SNTG1: variants seen among roughly 807,000 people sequenced by gnomAD.
SNTG1 encodes the protein syntrophin gamma 1, also known as gamma-1-syntrophin.
A neutral mutation model predicts 74.7 loss-of-function variants in SNTG1; 39 were observed. The observed-to-expected ratio is 0.52, with a 90% CI of 0.40 to 0.68. The LOEUF is 0.68. Among genes scored for constraint, SNTG1 ranks in the 30% least tolerant of loss-of-function variants. The pLI, the probability that SNTG1 is intolerant of heterozygous loss-of-function variation, is 0.00. For missense variants in SNTG1, 685 were observed against 609.5 expected (o/e 1.12, Z -1.30); for synonymous variants, 254 against 217.1 (o/e 1.17, Z -1.49).
At chr8:50,132,500 C>T (rs988850633) in intron 1 of SNTG1, among the ~76,000 whole-genome samples, 66 of 152,132 alleles carry the variant, frequency 4.3e-4, no homozygotes, top group African/African-American at 1.5e-3. Context: ...ATTCTCATTC[C>T]AAAGGGAGAA....
intron 18 of SNTG1, among the ~76,000 whole-genome samples, chr8:50,760,352 C>G (rs780305786): frequency 1.2e-4 from 18 of 151,874 alleles, no homozygotes; most frequent in Non-Finnish European, 2.1e-4. Flanking sequence ...GACTGATTGC[C>G]TGGTCAGAAC....
chr8:50,470,785 G>A (rs564324819), intron 8 of SNTG1, among the ~76,000 whole-genome samples: 1 of 152,286 alleles, frequency 6.6e-6, no homozygotes, highest in African/African-American at 2.4e-5. Context: ...CAAGATTTAT[G>A]ACAAAGAGCA....
At chr8:50,717,699 A>G (rs141146952) in intron 17 of SNTG1, among the ~76,000 whole-genome samples, 2,275 of 152,278 alleles carry the variant, frequency 0.015, 28 homozygotes, top group Non-Finnish European at 0.024. Flanking sequence ...CATTTTCTTC[A>G]TCTCTAAAAT....
chr8:50,644,010 C>CCAT (rs909727687), intron 13 of SNTG1: 86 of 152,316 alleles, frequency 5.6e-4, no homozygotes, highest in African/African-American at 2.0e-3. Flanking sequence ...GTAAATGAGT[C>CCAT]CATCACAGCT....
intron 8 of SNTG1, among the ~76,000 whole-genome samples, chr8:50,492,279 T>C (rs2093863957): frequency 6.6e-6 from 1 of 152,178 alleles, no homozygotes; most frequent in African/African-American, 2.4e-5. Flanking sequence ...TTAAATGGTA[T>C]TTCTAGTTCT....
chr8:50,102,856 G>A lies in SNTG1; in HGVS notation c.-102-69705G>A, dbSNP rs989267783. On this transcript the variant is annotated intron_variant, in intron 1 of 18. Coordinates refer to ENST00000642720, the MANE Select transcript of SNTG1 (RefSeq NM_018967.5). Reference sequence around the variant, plus strand: ...GCTTGTTTTTGTCAGGTTTGTCAAAGATCAGATAGTTGTAGATATGCGGCG... The same window carrying A: ...GCTTGTTTTTGTCAGGTTTGTCAAAAATCAGATAGTTGTAGATATGCGGCG... Among the ~76,000 whole-genome samples the A allele has an allele frequency of 3.6e-4, 54 of 148,362 alleles. 1 individual carries two copies. Among genetic ancestry groups the A allele is most frequent in the African/African-American group, 1.2e-3 (49 of 40,358 alleles).
intron 13 of SNTG1, among the ~76,000 whole-genome samples, chr8:50,605,129 C>A (rs2130952437): frequency 6.6e-6 from 1 of 152,250 alleles, no homozygotes; most frequent in East Asian, 1.9e-4. Context: ...AAGACAAAGT[C>A]CTGTTTACTC....
chr8:50,600,901 G>A (rs1359885942), intron 13 of SNTG1, among the ~76,000 whole-genome samples: 1 of 151,254 alleles, frequency 6.6e-6, no homozygotes, highest in Non-Finnish European at 1.5e-5. Context: ...TGGGCACGGT[G>A]GCTCACTCCT....
intron 1 of SNTG1, among the ~76,000 whole-genome samples, chr8:50,016,989 T>C (rs962616010): frequency 1.3e-5 from 2 of 152,044 alleles, no homozygotes; most frequent in South Asian, 2.1e-4. Flanking sequence ...GAGAACTCCA[T>C]CTACCTCAAC....
intron 1 of SNTG1, among the ~76,000 whole-genome samples, chr8:50,110,972 A>G (rs1184089346): frequency 3.9e-5 from 6 of 152,218 alleles, no homozygotes; most frequent in Admixed American, 6.5e-5. Context: ...TTTCTATGAA[A>G]TTCAAACTTA....
chr8:50,275,076 C>A (rs1321647695), intron 2 of SNTG1, among the ~76,000 whole-genome samples: 1 of 151,908 alleles, frequency 6.6e-6, no homozygotes, highest in African/African-American at 2.4e-5. Context: ...TAATGCTGGC[C>A]TTCTAGAGTG....
chr8:49,930,893 G>A (rs1052801799), intron 1 of SNTG1, among the ~76,000 whole-genome samples: 2 of 151,980 alleles, frequency 1.3e-5, no homozygotes, highest in African/African-American at 2.4e-5. Flanking sequence ...TTAGATACCA[G>A]CAATATATAC....
intron 15 of SNTG1, among the ~76,000 whole-genome samples, chr8:50,685,524 T>C (rs1227121355): frequency 6.6e-6 from 1 of 152,252 alleles, no homozygotes; most frequent in Non-Finnish European, 1.5e-5. Flanking sequence ...CTCTGAGTTT[T>C]CAATATTTGA....
intron 1 of SNTG1, chr8:49,915,106 A>G (rs1805907490): frequency 6.6e-6 from 1 of 152,184 alleles, no homozygotes. Flanking sequence ...ACTGCTGGCC[A>G]TAAGATCTTC....
At chr8:50,548,542 A>C (rs1011172732) in intron 11 of SNTG1, among the ~76,000 whole-genome samples, 2 of 152,198 alleles carry the variant, frequency 1.3e-5, no homozygotes, top group South Asian at 2.1e-4. Context: ...TCTTACTTAC[A>C]GATTAAAGAT....
chr8:49,920,655 A>G (rs1806455768), intron 1 of SNTG1, among the ~76,000 whole-genome samples: 1 of 152,110 alleles, frequency 6.6e-6, no homozygotes, highest in African/African-American at 2.4e-5. Flanking sequence ...AGAATCTTGA[A>G]GGGTTCATGT....
intron 13 of SNTG1, among the ~76,000 whole-genome samples, chr8:50,639,483 C>A (rs2095059005): frequency 6.6e-6 from 1 of 151,836 alleles, no homozygotes; most frequent in Non-Finnish European, 1.5e-5. Context: ...TTAAAAAGAA[C>A]TATAAGAAAT....
intron 1 of SNTG1, among the ~76,000 whole-genome samples, chr8:49,964,447 T>C (rs1410755611): frequency 2.0e-5 from 3 of 152,228 alleles, no homozygotes; most frequent in Non-Finnish European, 2.9e-5. Flanking sequence ...TCTCTCTCTC[T>C]ACATAGATAG....
chr8:50,249,304 G>A (rs912024104), intron 2 of SNTG1, among the ~76,000 whole-genome samples: 3 of 152,214 alleles, frequency 2.0e-5, no homozygotes, highest in Non-Finnish European at 4.4e-5. Flanking sequence ...CTATGGCACA[G>A]TCTTGGACAT....
Sources: allele counts gnomAD v4.1 joint callset (sites outside exome capture counted in the v4.1 genomes callset), GRCh38; gene constraint gnomAD v4.1.1; transcripts MANE v1.5; gene names NCBI Gene and HGNC (gene_info 2026-07-23, HGNC 2026-07-21).